MAP7: variants seen among roughly 807,000 people sequenced by gnomAD.
MAP7 encodes the protein ensconsin.
In MAP7, 52 loss-of-function variants were observed where a neutral mutation model predicts 94.8. That is an observed-to-expected ratio of 0.55 (90% CI 0.44 to 0.69). The LOEUF (loss-of-function observed/expected upper bound fraction) is 0.69, where lower values mean the gene tolerates loss of function less well. Among genes scored for constraint, MAP7 ranks in the 30% least tolerant of loss-of-function variants. The pLI, the probability that MAP7 is intolerant of heterozygous loss-of-function variation, is 0.00. For synonymous variants in MAP7, 350 were observed against 357.0 expected (o/e 0.98, Z 0.22); for missense variants, 940 against 964.6 (o/e 0.97, Z 0.34).
chr6:136,397,745 A>G (rs1014899094), intron 3 of MAP7, among the ~76,000 whole-genome samples: 15 of 152,062 alleles, frequency 9.9e-5, no homozygotes, highest in Non-Finnish European at 1.5e-5. Flanking sequence ...TGAGAAAATA[A>G]ATTTCTGTTG....
chr6:136,520,285 A>G (rs949633060), intron 1 of MAP7, among the ~76,000 whole-genome samples: 4 of 152,156 alleles, frequency 2.6e-5, no homozygotes, highest in Non-Finnish European at 1.5e-5. Context: ...CTAATAGACA[A>G]ATGCAGTTTC....
At chr6:136,366,252 A>C in intron 9 of MAP7, 75 bp downstream of exon 9, 3 of 1,228,832 alleles carry the variant, frequency 2.4e-6, no homozygotes, top group Non-Finnish European at 3.6e-6. Context: ...TGAGAAGAAC[A>C]GTTCACTTTC....
At chr6:136,490,643 T>A (rs1035482427) in intron 1 of MAP7, among the ~76,000 whole-genome samples, 2 of 152,254 alleles carry the variant, frequency 1.3e-5, no homozygotes, top group Admixed American at 1.3e-4. Context: ...CTCAGGTACC[T>A]GATTTCAGAC....
chr6:136,346,804 A>C (rs1023574234), intron 16 of MAP7, among the ~76,000 whole-genome samples: 3 of 152,198 alleles, frequency 2.0e-5, no homozygotes, highest in African/African-American at 7.2e-5. Context: ...TGATTTGCAC[A>C]AAGTCACACA....
Position 136,413,800 on chromosome 6 carries a change from C to G in MAP7, c.167-2103G>C, listed in dbSNP as rs557352942. Among the ~76,000 whole-genome samples, 28 of 152,054 alleles carry G rather than the reference C, an allele frequency of 1.8e-4. 1 individual carries two copies. Among genetic ancestry groups the G allele is most frequent in the African/African-American group, 6.7e-4 (28 of 41,526 alleles). The stretch of plus-strand genomic sequence containing the variant: ...CTAATTTTTGTATTTTTTGTAGAGA[C>G]AGGATTTTGCTATGTTGCCCAGGCT... On this transcript the variant is annotated intron_variant, in intron 2 of 17. Transcript: ENST00000354570.
intron 9 of MAP7, 70 bp from the exon 10 acceptor site, chr6:136,366,088 G>T: frequency 1.4e-6 from 2 of 1,464,996 alleles, no homozygotes; most frequent in South Asian, 2.6e-5. Flanking sequence ...CCTAGAACAC[G>T]ACTCGATGGA....
At chr6:136,363,399 CA>C (rs1793397990) in intron 10 of MAP7, among the ~76,000 whole-genome samples, 1 of 152,258 alleles carries the variant, frequency 6.6e-6, no homozygotes, top group Non-Finnish European at 1.5e-5. Flanking sequence ...AAGGCACCAG[CA>C]AGTGCAAGCT....
chr6:136,533,071 G>A (rs1210980305), intron 1 of MAP7, among the ~76,000 whole-genome samples: 5 of 152,164 alleles, frequency 3.3e-5, no homozygotes, highest in African/African-American at 9.7e-5. Flanking sequence ...TCGGGAGTTC[G>A]GGACCAGCCT....
intron 1 of MAP7, among the ~76,000 whole-genome samples, chr6:136,514,580 CAAAAAAAAAAAAAAAAA>C (rs1046225937): frequency 3.1e-4 from 15 of 49,052 alleles, no homozygotes; most frequent in African/African-American, 9.0e-4. Flanking sequence ...GACTCTGTCT[CAAAAAAAAAAAAAAAAA>C]AAAAAAAAAA....
intron 3 of MAP7, among the ~76,000 whole-genome samples, chr6:136,407,501 T>C (rs927518126): frequency 6.6e-6 from 1 of 152,178 alleles, no homozygotes; most frequent in African/African-American, 2.4e-5. Context: ...GGGCAGTAAA[T>C]GTATTAGCCT....
At chr6:136,430,685 G>A (rs28714294) in intron 1 of MAP7, among the ~76,000 whole-genome samples, 2 of 152,070 alleles carry the variant, frequency 1.3e-5, no homozygotes, top group Non-Finnish European at 2.9e-5. Context: ...TAACTTAAAG[G>A]TTGTCTAAAA....
At chr6:136,492,108 G>A (rs932439528) in intron 1 of MAP7, among the ~76,000 whole-genome samples, 1 of 152,146 alleles carries the variant, frequency 6.6e-6, no homozygotes, top group Non-Finnish European at 1.5e-5. Context: ...GGCAGGGGGT[G>A]GGGGGAGAGA....
chr6:136,424,626 G>A (rs1562385686), intron 1 of MAP7, among the ~76,000 whole-genome samples: 2 of 152,190 alleles, frequency 1.3e-5, no homozygotes, highest in Admixed American at 6.5e-5. Context: ...AATCCACATC[G>A]TCTGCCACTC....
chr6:136,441,248 C>T (rs1410120652), intron 1 of MAP7, among the ~76,000 whole-genome samples: 1 of 152,028 alleles, frequency 6.6e-6, no homozygotes, highest in Non-Finnish European at 1.5e-5. Flanking sequence ...GATAATTTTG[C>T]TTTTAAATTA....
intron 3 of MAP7, among the ~76,000 whole-genome samples, chr6:136,404,157 C>A (rs1784948789): frequency 6.6e-6 from 1 of 152,166 alleles, no homozygotes; most frequent in African/African-American, 2.4e-5. Flanking sequence ...GAGTTTCACT[C>A]CCAATTCTAA....
At chr6:136,457,422 C>T (rs1182795980) in intron 1 of MAP7, among the ~76,000 whole-genome samples, 2 of 151,954 alleles carry the variant, frequency 1.3e-5, no homozygotes, top group Non-Finnish European at 2.9e-5. Flanking sequence ...CCTTCTCAAA[C>T]TCTTCCATGA....
At chr6:136,355,377 G>C (rs1466514153) in intron 16 of MAP7, among the ~76,000 whole-genome samples, 2 of 151,260 alleles carry the variant, frequency 1.3e-5, no homozygotes, top group Non-Finnish European at 1.5e-5. Context: ...TAGATCTTAG[G>C]TAATTACAAC....
At chr6:136,484,360 C>T (rs1813941063) in intron 1 of MAP7, among the ~76,000 whole-genome samples, 1 of 152,074 alleles carries the variant, frequency 6.6e-6, no homozygotes. Context: ...TTAGTTGGAT[C>T]CTGGCATAAC....
intron 1 of MAP7, among the ~76,000 whole-genome samples, chr6:136,463,115 T>C (rs1254461000): frequency 6.6e-6 from 1 of 152,158 alleles, no homozygotes; most frequent in East Asian, 1.9e-4. Flanking sequence ...TTATGCAGCA[T>C]AGTTGTAGTC....
Sources: gnomAD v4.1 joint callset for allele counts (sites outside exome capture counted in the v4.1 genomes callset) on GRCh38, gnomAD v4.1.1 for gene constraint, MANE v1.5 for transcripts, NCBI Gene and HGNC (gene_info 2026-07-23, HGNC 2026-07-21) for gene names.